Variants in SNX2 observed in about 807,000 individuals in gnomAD.
The protein encoded by SNX2 is sorting nexin-2.
A neutral mutation model predicts 69.9 loss-of-function variants in SNX2; 25 were observed. That is an observed-to-expected ratio of 0.36 (90% CI 0.26 to 0.50). The LOEUF is 0.50. Among genes scored for constraint, SNX2 ranks in the 20% least tolerant of loss-of-function variants. The pLI is 0.97. For synonymous variants in SNX2, 229 were observed against 200.4 expected (o/e 1.14, Z -1.20); for missense variants, 551 against 613.3 (o/e 0.90, Z 1.07).
At position 122,797,071 on chromosome 5, in the gene SNX2, A is replaced by G. The variant is rs115632673; in HGVS notation, c.226+1688A>G. ...GCTTCTCAAGTAGCTAAGACTTCAG[A>G]CATGTGCCACTATACCTGGCTAATT... On this transcript the variant is annotated intron_variant, in intron 2 of 14. Transcript: ENST00000379516. Among the ~76,000 whole-genome samples the G allele has an allele frequency of 7.3e-3, 1,118 of 152,326 alleles. 17 individuals are homozygous for G. The highest frequency in any genetic ancestry group is 0.025 in the African/African-American group (1,037 of 41,570).
At chr5:122,806,002 G>A (rs1753633772) in intron 6 of SNX2, among the ~76,000 whole-genome samples, 1 of 151,706 alleles carries the variant, frequency 6.6e-6, no homozygotes, top group Non-Finnish European at 1.5e-5. Context: ...GGATGGTCTC[G>A]ATCTCCTGAG....
intron 1 of SNX2, among the ~76,000 whole-genome samples, chr5:122,776,892 A>G (rs1167712691): frequency 2.0e-5 from 3 of 152,230 alleles, no homozygotes; most frequent in Non-Finnish European, 2.9e-5. Flanking sequence ...GCAAAGTTTG[A>G]TCATGAATAA....
intron 14 of SNX2, 67 bp from the exon 15 acceptor site, chr5:122,829,531 C>G: frequency 1.6e-6 from 2 of 1,277,682 alleles, no homozygotes; most frequent in South Asian, 2.4e-5. Flanking sequence ...TAATGCTGTA[C>G]AGGATATATG....
chr5:122,806,290 T>C (rs903962413), intron 6 of SNX2, among the ~76,000 whole-genome samples: 3 of 152,080 alleles, frequency 2.0e-5, no homozygotes, highest in African/African-American at 7.2e-5. Context: ...AACAATTTCT[T>C]CAAAGTATGG....
chr5:122,825,881 A>G (rs1269273874), intron 11 of SNX2, among the ~76,000 whole-genome samples, 169 bp from the exon 12 acceptor site: 1 of 152,092 alleles, frequency 6.6e-6, no homozygotes, highest in African/African-American at 2.4e-5. Flanking sequence ...GCAAATGAAT[A>G]TGGAGATTAT....
At chr5:122,825,753 G>A (rs1203278477) in intron 11 of SNX2, among the ~76,000 whole-genome samples, 1 of 151,972 alleles carries the variant, frequency 6.6e-6, no homozygotes, top group Non-Finnish European at 1.5e-5. Flanking sequence ...AGCATAAAAC[G>A]CTGTTATAAA....
intron 1 of SNX2, 149 bp from the exon 2 acceptor site, chr5:122,795,117 C>T: frequency 1.7e-6 from 1 of 573,224 alleles, no homozygotes; most frequent in Non-Finnish European, 3.1e-6. Context: ...TTAGTTCATT[C>T]TTACTCTCAG....
intron 1 of SNX2, among the ~76,000 whole-genome samples, chr5:122,793,209 T>A (rs780019075): frequency 5.3e-5 from 8 of 152,136 alleles, no homozygotes; most frequent in Admixed American, 2.0e-4. Context: ...TAGTAAAAAA[T>A]TGATAAACAT....
intron 5 of SNX2, among the ~76,000 whole-genome samples, 184 bp downstream of exon 5, chr5:122,802,308 A>C (rs533878614): frequency 3.6e-4 from 55 of 152,342 alleles, no homozygotes; most frequent in African/African-American, 1.3e-3. Context: ...GAGAGTATGC[A>C]GGATGGGACC....
chr5:122,799,881 A>G (rs534347024), intron 3 of SNX2, 26 bp downstream of exon 3: 104 of 1,549,744 alleles, frequency 6.7e-5, no homozygotes, highest in Non-Finnish European at 1.8e-6. Context: ...TTCTAAATTA[A>G]TATGTAAATA....
intron 11 of SNX2, among the ~76,000 whole-genome samples, chr5:122,823,197 C>G (rs1410965284): frequency 6.6e-6 from 1 of 152,124 alleles, no homozygotes; most frequent in Admixed American, 6.5e-5. Flanking sequence ...GGATTAGTAT[C>G]TTGACATACA....
intron 12 of SNX2, 73 bp from the exon 13 acceptor site, chr5:122,827,306 A>C (rs1043166903): frequency 4.8e-6 from 6 of 1,238,324 alleles, no homozygotes; most frequent in Non-Finnish European, 6.9e-6. Context: ...TTGTGATTAA[A>C]TTAAGTGAGT....
intron 1 of SNX2, among the ~76,000 whole-genome samples, chr5:122,779,399 T>C (rs1752920431): frequency 6.6e-6 from 1 of 152,238 alleles, no homozygotes; most frequent in African/African-American, 2.4e-5. Context: ...CTAGACTTTA[T>C]ATGAATGGAT....
intron 1 of SNX2, among the ~76,000 whole-genome samples, chr5:122,791,386 A>T (rs1417336737): frequency 6.6e-6 from 1 of 151,958 alleles, no homozygotes; most frequent in South Asian, 2.1e-4. Context: ...GGTTCCAAAG[A>T]TTCTCCTGCC....
intron 6 of SNX2, among the ~76,000 whole-genome samples, chr5:122,807,927 C>T (rs6870299): frequency 0.027 from 4,100 of 152,080 alleles, 156 homozygotes; most frequent in African/African-American, 0.08. Context: ...TTTGAAATTC[C>T]ATTATGTATA....
intron 7 of SNX2, among the ~76,000 whole-genome samples, chr5:122,813,063 C>A (rs1753816141): frequency 6.6e-6 from 1 of 152,032 alleles, no homozygotes. Flanking sequence ...TTGATCAATT[C>A]CATTGTCTTT....
intron 11 of SNX2, among the ~76,000 whole-genome samples, chr5:122,820,721 T>C (rs1457301269): frequency 1.3e-5 from 2 of 152,168 alleles, no homozygotes; most frequent in African/African-American, 4.8e-5. Flanking sequence ...CAAAATATTT[T>C]CTATAGAACA....
chr5:122,824,403 G>A (rs1012780372), intron 11 of SNX2, among the ~76,000 whole-genome samples: 12 of 152,060 alleles, frequency 7.9e-5, no homozygotes, highest in African/African-American at 2.9e-4. Context: ...TGTTAGATAT[G>A]TTACTTTTGG....
chr5:122,809,236 A>C (rs1753716925), intron 7 of SNX2, among the ~76,000 whole-genome samples: 1 of 152,186 alleles, frequency 6.6e-6, no homozygotes, highest in South Asian at 2.1e-4. Flanking sequence ...TTATGCAAAC[A>C]CTACGCCATT....
Sources: gnomAD v4.1 joint callset for allele counts (sites outside exome capture counted in the v4.1 genomes callset) on GRCh38, gnomAD v4.1.1 for gene constraint, MANE v1.5 for transcripts, NCBI Gene and HGNC (gene_info 2026-07-23, HGNC 2026-07-21) for gene names.